The following ESCO1 variants were observed in gnomAD, a reference collection of about 807,000 sequenced individuals.
The protein encoded by ESCO1 is establishment of sister chromatid cohesion N-acetyltransferase 1, also known as N-acetyltransferase ESCO1.
A neutral mutation model predicts 83.5 loss-of-function variants in ESCO1; 33 were observed. The observed-to-expected ratio is 0.40, with a 90% CI of 0.30 to 0.53. The LOEUF (loss-of-function observed/expected upper bound fraction) is 0.53. Among genes scored for constraint, ESCO1 ranks in the 20% least tolerant of loss-of-function variants. ESCO1 has a pLI of 0.63. For missense variants in ESCO1, 855 were observed against 968.0 expected, an observed-to-expected ratio of 0.88 and a Z score of 1.55; for synonymous variants, 332 against 324.3, an observed-to-expected ratio of 1.02 and a Z score of -0.25.
At chr18:21,590,333 T>C (rs568027983) in intron 1 of ESCO1, among the ~76,000 whole-genome samples, 1 of 151,894 alleles carries the variant, frequency 6.6e-6, no homozygotes, top group South Asian at 2.1e-4. Flanking sequence ...GCAATTCTCT[T>C]GCCTCAGCCT....
chr18:21,567,851 CA>C (rs2038283910), intron 5 of ESCO1, 128 bp downstream of exon 5: 1 of 637,042 alleles, frequency 1.6e-6, no homozygotes, highest in Non-Finnish European at 2.6e-6. Flanking sequence ...ATGATAATCA[CA>C]TATTTGAAAA....
chr18:21,589,896 C>T (rs951781015), intron 1 of ESCO1, among the ~76,000 whole-genome samples: 11 of 151,920 alleles, frequency 7.2e-5, no homozygotes, highest in African/African-American at 2.2e-4. Flanking sequence ...GGTGCCATCT[C>T]GGCTCACTGC....
intron 1 of ESCO1, among the ~76,000 whole-genome samples, chr18:21,587,503 C>G (rs370626230): frequency 6.6e-6 from 1 of 152,126 alleles, no homozygotes; most frequent in Non-Finnish European, 1.5e-5. Context: ...TCTAGGTTAT[C>G]GAAATGGTTA....
chr18:21,568,882 G>A (rs541528339), intron 4 of ESCO1, among the ~76,000 whole-genome samples: 41 of 144,406 alleles, frequency 2.8e-4, no homozygotes, highest in African/African-American at 1.0e-3. Context: ...CAGCCTAGGT[G>A]ACAAAGCTAG....
intron 8 of ESCO1, among the ~76,000 whole-genome samples, chr18:21,552,367 G>A (rs1021424962): frequency 6.6e-6 from 1 of 152,166 alleles, no homozygotes; most frequent in Non-Finnish European, 1.5e-5. Context: ...CATGGGGGTA[G>A]TTACCCCCAT....
intron 8 of ESCO1, among the ~76,000 whole-genome samples, chr18:21,552,641 G>A (rs965247691): frequency 3.3e-5 from 5 of 152,140 alleles, no homozygotes; most frequent in African/African-American, 7.2e-5. Flanking sequence ...TGGTACTGGT[G>A]AAACAACAGA....
rs977998518 is a variant in ESCO1 at position 21,600,689 on chromosome 18, ACACT to A, written c.-895_-892del. The stretch of plus-strand genomic sequence containing the variant: ...TCGCCTCACATCCGGGTATCAGGAG[ACACT>A]CAGCTGCTTCTGCTGCGGCCGCCGC... On this transcript the variant is annotated 5_prime_UTR_variant, in exon 1 of 12. Transcript: ENST00000269214. 4.6e-5 allele frequency: 7 copies of A among 152,304 alleles called. No individual in the cohort carries two copies. The highest frequency in any genetic ancestry group is 1.7e-4 in the African/African-American group (7 of 41,570). The allele number at this position is 152,304 out of a possible 1,614,324, so 9.4% of individuals were successfully genotyped here. A position where few individuals can be genotyped will look rare whatever the true frequency, so the allele number is the denominator to read the frequency against.
chr18:21,578,461 T>G (rs1226985556), intron 2 of ESCO1, among the ~76,000 whole-genome samples: 2 of 151,986 alleles, frequency 1.3e-5, no homozygotes, highest in East Asian at 3.9e-4. Flanking sequence ...AACTGGCCAT[T>G]AACTGGACCT....
intron 9 of ESCO1, among the ~76,000 whole-genome samples, chr18:21,536,709 A>G (rs1347696314): frequency 1.3e-5 from 2 of 152,138 alleles, no homozygotes; most frequent in Non-Finnish European, 2.9e-5. Flanking sequence ...CAAACCCAAC[A>G]GTCTAGAGAA....
chr18:21,541,269 C>A (rs907819280), intron 8 of ESCO1, among the ~76,000 whole-genome samples: 4 of 151,826 alleles, frequency 2.6e-5, no homozygotes, highest in Admixed American at 6.6e-5. Flanking sequence ...ATCTAAGAAA[C>A]TAAATCTGTA....
chr18:21,581,078 G>A (rs1048451653), intron 2 of ESCO1, among the ~76,000 whole-genome samples: 4 of 152,072 alleles, frequency 2.6e-5, no homozygotes, highest in South Asian at 2.1e-4. Flanking sequence ...TTGGGAGGCC[G>A]AGGCGGGCTC....
At chr18:21,578,066 C>A (rs1330011696) in intron 2 of ESCO1, among the ~76,000 whole-genome samples, 6 of 152,102 alleles carry the variant, frequency 3.9e-5, no homozygotes, top group Non-Finnish European at 8.8e-5. Context: ...CAAACACACA[C>A]CCTATAATCG....
chr18:21,585,256 A>T (rs1598477540), intron 1 of ESCO1, among the ~76,000 whole-genome samples: 1 of 152,172 alleles, frequency 6.6e-6, no homozygotes, highest in East Asian at 1.9e-4. Context: ...CCATGAGAGA[A>T]TTATACTTTC....
In ESCO1 at chr18:21,564,336, A is replaced by G; in HGVS notation, c.1707-19T>C. The G allele has an allele frequency of 6.9e-7, 1 of 1,451,826 alleles. No individual in the cohort carries two copies. The highest frequency in any genetic ancestry group is 9.5e-7 in the Non-Finnish European group (1 of 1,048,586). 89.9% of individuals were successfully genotyped at this position (1,451,826 alleles called of 1,614,324 possible). A position where few individuals can be genotyped will look rare whatever the true frequency, so the allele number is the denominator to read the frequency against. On this transcript the variant is annotated intron_variant, in intron 6 of 11. Coordinates refer to ENST00000269214, the MANE Select transcript of ESCO1 (RefSeq NM_052911.3). Reference sequence around the variant, plus strand: ...TGTCTCCCTTAAAAAAAATAAAATTACTAAATGTTACAGATCCAAGTCATT... The same window carrying G: ...TGTCTCCCTTAAAAAAAATAAAATTGCTAAATGTTACAGATCCAAGTCATT...
chr18:21,554,839 C>T (rs965489884), intron 8 of ESCO1, among the ~76,000 whole-genome samples: 4 of 151,882 alleles, frequency 2.6e-5, no homozygotes, highest in African/African-American at 7.3e-5. Context: ...ACCCGAGAGG[C>T]GGAGGTTTCA....
intron 1 of ESCO1, among the ~76,000 whole-genome samples, 193 bp from the exon 2 acceptor site, chr18:21,584,633 C>A (rs113683255): frequency 6.6e-6 from 1 of 151,958 alleles, no homozygotes; most frequent in African/African-American, 2.4e-5. Flanking sequence ...CCAGACTGGG[C>A]AACATGATGA....
At chr18:21,551,791 G>A (rs1156492228) in intron 8 of ESCO1, among the ~76,000 whole-genome samples, 1 of 152,298 alleles carries the variant, frequency 6.6e-6, no homozygotes. Context: ...ATCTCAGCTG[G>A]AGAGAGACAC....
At chr18:21,545,861 C>T (rs1298397730) in intron 8 of ESCO1, among the ~76,000 whole-genome samples, 3 of 152,064 alleles carry the variant, frequency 2.0e-5, no homozygotes, top group African/African-American at 4.8e-5. Flanking sequence ...ACCCAGGAGG[C>T]GGAGGCTGCA....
chr18:21,563,872 A>G (rs1374380341), intron 7 of ESCO1, among the ~76,000 whole-genome samples: 1 of 151,936 alleles, frequency 6.6e-6, no homozygotes, highest in Non-Finnish European at 1.5e-5. Context: ...AATCCCGCAC[A>G]AATAGGTTAA....
Sources: allele counts gnomAD v4.1 joint callset (sites outside exome capture counted in the v4.1 genomes callset), GRCh38; gene constraint gnomAD v4.1.1; transcripts MANE v1.5; gene names NCBI Gene and HGNC (gene_info 2026-07-23, HGNC 2026-07-21).